The following RBKS variants were observed in gnomAD, a reference collection of about 807,000 sequenced individuals.
The protein encoded by RBKS is ribokinase.
RBKS carries 33 observed loss-of-function variants against 33.9 expected under a neutral mutation model. The observed-to-expected ratio is 0.97, with a 90% CI of 0.74 to 1.30. The LOEUF (loss-of-function observed/expected upper bound fraction) is 1.30, where lower values mean the gene tolerates loss of function less well. RBKS is among the 50% of genes most tolerant of loss of function. RBKS has a pLI of 0.00. For missense variants in RBKS, 361 were observed against 392.6 expected, an observed-to-expected ratio of 0.92 and a Z score of 0.68; for synonymous variants, 125 against 143.0, an observed-to-expected ratio of 0.87 and a Z score of 0.90.
chr2:27,832,804 T>G, intron 5 of RBKS, 27 bp from the exon 6 acceptor site: 1 of 1,413,666 alleles, frequency 7.1e-7, no homozygotes, highest in Non-Finnish European at 1.0e-6. Flanking sequence ...AAGGGGGTTA[T>G]TATTAGTTTT....
intron 2 of RBKS, 74 bp from the exon 3 acceptor site, chr2:27,848,171 T>G: frequency 1.2e-6 from 1 of 860,572 alleles, no homozygotes; most frequent in Non-Finnish European, 1.8e-6. Flanking sequence ...TTAGAATACT[T>G]AGCATTTTAA....
At position 27,810,354 on chromosome 2, in the gene RBKS, G is replaced by A. The variant is rs1162524124; in HGVS notation, c.795+17213C>T. Among the ~76,000 whole-genome samples, 3 of 152,148 alleles carry A rather than the reference G, an allele frequency of 2.0e-5. No individual in the cohort carries two copies. Among genetic ancestry groups the A allele is most frequent in the African/African-American group, 7.2e-5 (3 of 41,436 alleles). On this transcript the variant is annotated intron_variant, in intron 7 of 7. Transcript: ENST00000302188. This position sits in a 1 kb window ranked among gnomAD's most constrained non-coding sequence, Gnocchi z 4.4. The stretch of plus-strand genomic sequence containing the variant: ...CAAATGTCAGTTACTTTAAATGAAG[G>A]ATTGATTTCTGCTCCAAATGCTTGC...
chr2:27,858,723 T>C (rs933519779), intron 1 of RBKS, 152 bp from the exon 2 acceptor site: 5 of 670,658 alleles, frequency 7.5e-6, no homozygotes, highest in Admixed American at 5.8e-5. Flanking sequence ...TCTCTTCCTT[T>C]AGGATGACAT....
intron 2 of RBKS, among the ~76,000 whole-genome samples, chr2:27,850,279 G>A (rs1243934692): frequency 6.6e-6 from 1 of 152,148 alleles, no homozygotes; most frequent in African/African-American, 2.4e-5. Context: ...TTAACATCCT[G>A]CAACTAAGTG....
rs140234358 is a variant in RBKS, at chr2:27,788,532, C to T, written c.796-6744G>A. Among the ~76,000 whole-genome samples the T allele has an allele frequency of 6.2e-3, 938 of 152,152 alleles. 14 individuals are homozygous for T. Among genetic ancestry groups the T allele is most frequent in the African/African-American group, 0.021 (884 of 41,506 alleles). On this transcript the variant is annotated intron_variant, in intron 7 of 7. Transcript: ENST00000302188. ...CATCCTGGCTAACATGGTGAAACCC[C>T]GTCTCTACTAAAAATACAAGAAAAA...
intron 7 of RBKS, among the ~76,000 whole-genome samples, chr2:27,801,457 C>G (rs1677779332): frequency 9.3e-6 from 1 of 108,082 alleles, no homozygotes; most frequent in African/African-American, 3.8e-5. Flanking sequence ...TCCAAAGGGC[C>G]ACAGTATACA....
chr2:27,855,860 T>C (rs943018600), intron 2 of RBKS, among the ~76,000 whole-genome samples: 1 of 152,206 alleles, frequency 6.6e-6, no homozygotes, highest in Non-Finnish European at 1.5e-5. Flanking sequence ...TTTAGTTTGT[T>C]ATAGGTAGCA....
At chr2:27,803,480 T>G (rs910521735) in intron 7 of RBKS, among the ~76,000 whole-genome samples, 2 of 151,182 alleles carry the variant, frequency 1.3e-5, no homozygotes, top group Non-Finnish European at 3.0e-5. Flanking sequence ...GAAGGATCAG[T>G]TGAGGCCAAG....
intron 5 of RBKS, among the ~76,000 whole-genome samples, chr2:27,840,945 A>G (rs944559517): frequency 2.6e-5 from 4 of 152,208 alleles, no homozygotes; most frequent in Admixed American, 2.6e-4. Context: ...TGTAAAGTAC[A>G]TATAAATGCA....
rs560824670 is a variant in RBKS at position 27,800,139 on chromosome 2, A to G, written c.796-18351T>C. On this transcript the variant is annotated intron_variant, in intron 7 of 7. Coordinates refer to ENST00000302188, the MANE Select transcript of RBKS (RefSeq NM_022128.3). Reference sequence around the variant, plus strand: ...GCGATCACGGCTCACTGCAGCCTCAACCTCCTGGGCCCAAGCAATCCTCCC... The same window carrying G: ...GCGATCACGGCTCACTGCAGCCTCAGCCTCCTGGGCCCAAGCAATCCTCCC... 1.6e-4 allele frequency among the ~76,000 whole-genome samples: 23 copies of G among 147,930 alleles called. No homozygotes were observed. In the East Asian group the frequency reaches 4.6e-3, roughly 30 times the overall value.
At chr2:27,858,388 T>A in intron 2 of RBKS, 51 bp downstream of exon 2, 1 of 1,540,052 alleles carries the variant, frequency 6.5e-7, no homozygotes. Context: ...ACTCCAGTCT[T>A]AAAACCAGAT....
At chr2:27,880,344 T>A (rs1308430631) in intron 1 of RBKS, among the ~76,000 whole-genome samples, 1 of 152,132 alleles carries the variant, frequency 6.6e-6, no homozygotes, top group Non-Finnish European at 1.5e-5. Flanking sequence ...CTGGAAGCAT[T>A]TCCTTTGAAA....
intron 7 of RBKS, among the ~76,000 whole-genome samples, chr2:27,794,484 G>A (rs953057070): frequency 6.6e-5 from 10 of 151,676 alleles, no homozygotes; most frequent in Admixed American, 2.0e-4. Context: ...GCTACAAATC[G>A]GGGTAGACTG....
At chr2:27,789,949 GTATATATATATATATATATATA>G (rs35109548) in intron 7 of RBKS, among the ~76,000 whole-genome samples, 24 of 121,516 alleles carry the variant, frequency 2.0e-4, no homozygotes, top group African/African-American at 7.9e-4. Context: ...ATGTATATGT[GTATATATATATATATATATATA>G]TGTATATATA....
chr2:27,874,573 T>C (rs1166210232), intron 1 of RBKS, among the ~76,000 whole-genome samples: 1 of 152,224 alleles, frequency 6.6e-6, no homozygotes. Flanking sequence ...ATGCCACTTA[T>C]ACGCTGATGT....
chr2:27,784,205 G>C (rs74327441), intron 7 of RBKS, among the ~76,000 whole-genome samples: 36 of 150,648 alleles, frequency 2.4e-4, no homozygotes, highest in Middle Eastern at 3.4e-3. Flanking sequence ...GGATGGTCTC[G>C]ATCTCCTGAC....
intron 1 of RBKS, among the ~76,000 whole-genome samples, chr2:27,871,153 A>G (rs1040148455): frequency 6.6e-6 from 1 of 152,188 alleles, no homozygotes; most frequent in African/African-American, 2.4e-5. Flanking sequence ...ACAGTAAAGG[A>G]CTTCTTAGCT....
rs950313463 is a variant in RBKS, at chr2:27,794,620, T to C, written c.796-12832A>G. On this transcript the variant is annotated intron_variant, in intron 7 of 7. Transcript: ENST00000302188. ...GACTGGGAGGAACACTTTCGTTTTT[T>C]TTTCTTTTTTTTTTTTTTTGAGCTG... Among the ~76,000 whole-genome samples, 275 of 135,328 alleles carry C rather than the reference T, an allele frequency of 2.0e-3. 2 individuals carry two copies. Among genetic ancestry groups the C allele is most frequent in the African/African-American group, 6.6e-3 (247 of 37,286 alleles). The allele number at this position is 135,328 out of a possible 152,430, so 88.8% of individuals were successfully genotyped here. A position where few individuals can be genotyped will look rare whatever the true frequency, so the allele number is the denominator to read the frequency against.
At chr2:27,844,170 G>C (rs1024259117) in intron 4 of RBKS, among the ~76,000 whole-genome samples, 1 of 151,268 alleles carries the variant, frequency 6.6e-6, no homozygotes, top group Admixed American at 6.6e-5. Context: ...TGAGGCGTGA[G>C]AGTCGCTTAA....
Sources: gnomAD v4.1 joint callset for allele counts (sites outside exome capture counted in the v4.1 genomes callset) on GRCh38, gnomAD v4.1.1 for gene constraint, Gnocchi (gnomAD v3.1) non-coding constraint, MANE v1.5 for transcripts, NCBI Gene and HGNC (gene_info 2026-07-23, HGNC 2026-07-21) for gene names.